Variants in F13A1 observed in about 807,000 individuals in gnomAD.
F13A1 encodes FSF, A subunit.
Under a neutral mutation model 80.1 loss-of-function variants are expected in F13A1, and 47 were observed. The ratio of observed to expected loss-of-function variants is 0.59; its 90% CI spans 0.46 to 0.75. F13A1 has a LOEUF of 0.75. F13A1 is among the 30% of genes least tolerant of loss of function. The pLI is 0.00. For missense variants in F13A1, 817 were observed against 930.4 expected (o/e 0.88, Z 1.59); for synonymous variants, 349 against 344.9 (o/e 1.01, Z -0.13).
chr6:6,265,809 C>T (rs186490979), intron 4 of F13A1, among the ~76,000 whole-genome samples: 7 of 152,190 alleles, frequency 4.6e-5, no homozygotes, highest in Non-Finnish European at 7.4e-5. Context: ...TGAACAGCGT[C>T]GACTTTATTT....
chr6:6,195,560 T>C (rs1007816251), intron 10 of F13A1, among the ~76,000 whole-genome samples: 1 of 152,176 alleles, frequency 6.6e-6, no homozygotes, highest in Non-Finnish European at 1.5e-5. Flanking sequence ...CTAATGTTAG[T>C]AAAGCATTTA....
At chr6:6,249,029 T>C (rs1411466116) in intron 5 of F13A1, among the ~76,000 whole-genome samples, 1 of 152,210 alleles carries the variant, frequency 6.6e-6, no homozygotes, top group East Asian at 1.9e-4. Flanking sequence ...AGGAGTCTGG[T>C]ACCAGTTCAG....
At chr6:6,255,174 T>C (rs1757686615) in intron 4 of F13A1, among the ~76,000 whole-genome samples, 1 of 152,202 alleles carries the variant, frequency 6.6e-6, no homozygotes, top group South Asian at 2.1e-4. Flanking sequence ...TGCCGTTTAA[T>C]GATTATATTT....
chr6:6,200,296 G>A (rs1761370363), intron 8 of F13A1, among the ~76,000 whole-genome samples: 1 of 152,136 alleles, frequency 6.6e-6, no homozygotes, highest in Non-Finnish European at 1.5e-5. Context: ...GCTGGCTACA[G>A]TGGCTCACAC....
At chr6:6,240,248 A>G (rs906415259) in intron 6 of F13A1, among the ~76,000 whole-genome samples, 2 of 152,212 alleles carry the variant, frequency 1.3e-5, no homozygotes, top group African/African-American at 4.8e-5. Context: ...GTGAAGAGGC[A>G]TAAGAAATGT....
chr6:6,157,134 TAAC>T (rs1482756688), intron 13 of F13A1, among the ~76,000 whole-genome samples: 1 of 152,222 alleles, frequency 6.6e-6, no homozygotes, highest in Non-Finnish European at 1.5e-5. Context: ...ACAACAATAA[TAAC>T]AAGTAACTTA....
Position 6,220,121 on chromosome 6 carries a change from C to T in F13A1, c.1112+1912G>A, listed in dbSNP as rs145101936. Among the ~76,000 whole-genome samples the T allele has an allele frequency of 7.2e-5, 11 of 152,282 alleles. 1 individual carries two copies. The highest frequency in any genetic ancestry group is 2.4e-4 in the African/African-American group (10 of 41,548). On this transcript the variant is annotated intron_variant, in intron 8 of 14. Transcript: ENST00000264870. ...ATCCCTGTGCTTCATGGTCTGGGCA[C>T]GTCCTGAGTTGTGCTGGTCTCAGCC...
intron 6 of F13A1, among the ~76,000 whole-genome samples, chr6:6,225,964 A>C (rs551982641): frequency 1.2e-4 from 18 of 152,384 alleles, no homozygotes; most frequent in Non-Finnish European, 2.5e-4. Flanking sequence ...AGAGAAAGGC[A>C]ATCTTGAATA....
Position 6,151,934 on chromosome 6 carries a change from C to A in F13A1, c.1924G>T (p.Val642Leu). ...EIIIKVRGTQ[V>L]VGSDMTVTVE... Reference sequence around the variant, plus strand: ...GTCACAGTCATGTCAGAACCAACTACCTGAGTGCCACGGACCTAAGAGAGA... The same window carrying A: ...GTCACAGTCATGTCAGAACCAACTAACTGAGTGCCACGGACCTAAGAGAGA... The change falls in exon 14 of 15, where the codon GTA becomes TTA. Residue 642 changes from valine (V) to leucine (L), a missense_variant. Transcript: ENST00000264870. The A allele has an allele frequency of 1.9e-6, 3 of 1,614,048 alleles. No homozygotes were observed. The highest frequency in any genetic ancestry group is 2.5e-6 in the Non-Finnish European group (3 of 1,179,952).
At chr6:6,154,751 CAA>C (rs1476607111) in intron 13 of F13A1, among the ~76,000 whole-genome samples, 1 of 152,036 alleles carries the variant, frequency 6.6e-6, no homozygotes, top group African/African-American at 2.4e-5. Flanking sequence ...CAAGTGTGTC[CAA>C]TATATTTTTT....
At chr6:6,283,780 G>A (rs1296667454) in intron 3 of F13A1, among the ~76,000 whole-genome samples, 1 of 152,100 alleles carries the variant, frequency 6.6e-6, no homozygotes, top group Non-Finnish European at 1.5e-5. Context: ...TACATGCTAA[G>A]GGATACCCTC....
At chr6:6,146,619 G>A (rs550858178) in intron 14 of F13A1, among the ~76,000 whole-genome samples, 44 of 152,148 alleles carry the variant, frequency 2.9e-4, no homozygotes, top group Non-Finnish European at 4.9e-4. Flanking sequence ...GGTTTTATAT[G>A]TATGACAGTT....
chr6:6,183,123 A>C (rs1761018395), intron 10 of F13A1, among the ~76,000 whole-genome samples: 2 of 152,134 alleles, frequency 1.3e-5, no homozygotes, highest in African/African-American at 4.8e-5. Context: ...ACTTTCTTGA[A>C]GGTTCCAGTT....
intron 13 of F13A1, among the ~76,000 whole-genome samples, chr6:6,167,025 A>G (rs1399243930): frequency 6.6e-6 from 1 of 152,170 alleles, no homozygotes; most frequent in Non-Finnish European, 1.5e-5. Context: ...TGTGCAATCT[A>G]CTATCCACAA....
At chr6:6,222,262 T>C in intron 7 of F13A1, 91 bp from the exon 8 acceptor site, 3 of 1,532,154 alleles carry the variant, frequency 2.0e-6, no homozygotes, top group South Asian at 1.1e-5. Context: ...ACTTTCTTCC[T>C]GACCCAACAT....
intron 11 of F13A1, among the ~76,000 whole-genome samples, chr6:6,179,209 ACT>A (rs1264731198): frequency 6.6e-6 from 1 of 152,238 alleles, no homozygotes; most frequent in Non-Finnish European, 1.5e-5. Flanking sequence ...GAATCAAGAC[ACT>A]GTTATCAAAG....
chr6:6,311,944 ATTAT>A (rs1429399125), intron 2 of F13A1, among the ~76,000 whole-genome samples: 4 of 147,524 alleles, frequency 2.7e-5, no homozygotes, highest in Non-Finnish European at 4.5e-5. Context: ...GTTTTTATAT[ATTAT>A]TTATGTATAT....
intron 6 of F13A1, among the ~76,000 whole-genome samples, chr6:6,233,942 CATACCTTA>C (rs1757383953): frequency 6.6e-6 from 1 of 152,050 alleles, no homozygotes; most frequent in South Asian, 2.1e-4. Flanking sequence ...ATACAAGGGA[CATACCTTA>C]ATGTAATAAA....
chr6:6,210,959 G>T (rs1243483209), intron 8 of F13A1, among the ~76,000 whole-genome samples: 1 of 151,716 alleles, frequency 6.6e-6, no homozygotes, highest in East Asian at 2.0e-4. Context: ...TCAAACTCCT[G>T]ATCTCAAGTG....
Sources: allele counts gnomAD v4.1 joint callset (sites outside exome capture counted in the v4.1 genomes callset), GRCh38; gene constraint gnomAD v4.1.1; transcripts MANE v1.5; gene names NCBI Gene and HGNC (gene_info 2026-07-23, HGNC 2026-07-21).